CHCHD6: variants seen among roughly 807,000 people sequenced by gnomAD.
CHCHD6 encodes MICOS complex subunit MIC25.
CHCHD6 carries 28 observed loss-of-function variants against 32.3 expected under a neutral mutation model. That is an observed-to-expected ratio of 0.87 (90% confidence interval 0.64 to 1.19). The LOEUF (loss-of-function observed/expected upper bound fraction) is 1.19. CHCHD6 is among the 50% of genes most tolerant of loss of function. CHCHD6 has a pLI of 0.00. For synonymous variants in CHCHD6, 122 were observed against 117.5 expected, an observed-to-expected ratio of 1.04 and a Z score of -0.25; for missense variants, 333 against 307.0, an observed-to-expected ratio of 1.08 and a Z score of -0.63.
At chr3:126,922,718 T>C (rs2078269998) in intron 6 of CHCHD6, among the ~76,000 whole-genome samples, 1 of 149,866 alleles carries the variant, frequency 6.7e-6, no homozygotes, top group Non-Finnish European at 1.5e-5. Flanking sequence ...TGTATGTGTA[T>C]GTGTGTGTGT....
At chr3:126,735,888 C>G (rs1936020741) in intron 4 of CHCHD6, among the ~76,000 whole-genome samples, 1 of 152,160 alleles carries the variant, frequency 6.6e-6, no homozygotes, top group African/African-American at 2.4e-5. Context: ...GGAAAGGCAT[C>G]TCCTATAGGA....
chr3:126,959,999 G>A (rs976432802), intron 7 of CHCHD6, among the ~76,000 whole-genome samples, 197 bp from the exon 8 acceptor site: 5 of 152,182 alleles, frequency 3.3e-5, no homozygotes, highest in East Asian at 3.9e-4. Context: ...GTGAGGGCCC[G>A]TCCCCTGTTG....
intron 4 of CHCHD6, among the ~76,000 whole-genome samples, chr3:126,742,626 T>C (rs748594552): frequency 2.6e-5 from 4 of 152,126 alleles, no homozygotes; most frequent in Non-Finnish European, 5.9e-5. Context: ...GGAGTTACCA[T>C]GAGAGCGGGA....
intron 4 of CHCHD6, among the ~76,000 whole-genome samples, chr3:126,773,581 G>T (rs73201779): frequency 0.093 from 13,623 of 146,804 alleles, 799 homozygotes; most frequent in Middle Eastern, 0.22. Flanking sequence ...GAGAAAGTTG[G>T]TTCTGACAGT....
chr3:126,800,741 G>T (rs776323969), intron 4 of CHCHD6, among the ~76,000 whole-genome samples: 22 of 152,292 alleles, frequency 1.4e-4, no homozygotes, highest in Admixed American at 3.9e-4. Context: ...CTCAAGACAG[G>T]CTGAGACCTT....
chr3:126,803,237 G>A (rs535356750), intron 4 of CHCHD6, among the ~76,000 whole-genome samples: 2,694 of 152,018 alleles, frequency 0.018, 30 homozygotes, highest in Middle Eastern at 0.051. Context: ...ATGTAAATGG[G>A]CTAAATGTTC....
In CHCHD6 at chr3:126,912,811, TG is replaced by T. The variant is rs533044275; in HGVS notation, c.496-1865del. On this transcript the variant is annotated intron_variant, in intron 5 of 7. Coordinates refer to ENST00000290913, the MANE Select transcript of CHCHD6 (RefSeq NM_032343.3). ...GGCCACGATGCAGCAGGGGAGTCCT[TG>T]GGGTAAGACTAGAGGGGGGCCTGGT... Among the ~76,000 whole-genome samples, 194 of 152,316 alleles carry T rather than the reference TG, an allele frequency of 1.3e-3. 3 individuals carry two copies. The highest frequency in any genetic ancestry group is 2.8e-4 in the Non-Finnish European group (19 of 68,004).
intron 4 of CHCHD6, among the ~76,000 whole-genome samples, chr3:126,772,503 T>C (rs926792809): frequency 8.5e-5 from 13 of 152,224 alleles, no homozygotes; most frequent in Non-Finnish European, 1.6e-4. Flanking sequence ...ACGCCCTTTG[T>C]CTTTTTTATC....
chr3:126,754,199 A>G (rs1262517462), intron 4 of CHCHD6, among the ~76,000 whole-genome samples: 2 of 152,180 alleles, frequency 1.3e-5, no homozygotes, highest in South Asian at 2.1e-4. Context: ...TTACTGAAAC[A>G]AGTTGTGTGG....
At chr3:126,761,393 A>T (rs1401309094) in intron 4 of CHCHD6, among the ~76,000 whole-genome samples, 1 of 152,130 alleles carries the variant, frequency 6.6e-6, no homozygotes, top group East Asian at 1.9e-4. Context: ...ATTATATGAC[A>T]TTTAGGGCCC....
At chr3:126,875,852 A>C (rs2077533088) in intron 5 of CHCHD6, among the ~76,000 whole-genome samples, 1 of 152,260 alleles carries the variant, frequency 6.6e-6, no homozygotes, top group Non-Finnish European at 1.5e-5. Flanking sequence ...TCCCTTAGGA[A>C]TATTGCCATG....
intron 4 of CHCHD6, among the ~76,000 whole-genome samples, chr3:126,745,998 T>A (rs1451520046): frequency 3.9e-5 from 6 of 152,218 alleles, no homozygotes; most frequent in African/African-American, 1.4e-4. Flanking sequence ...TCCTTCCTTA[T>A]CAAATCTTGG....
In CHCHD6 at chr3:126,824,560, C is replaced by CAAAAAAAAAAAAAAAA. The variant is rs71150454; in HGVS notation, c.412-28081_412-28066dup. 1.4e-3 allele frequency among the ~76,000 whole-genome samples: 55 copies of CAAAAAAAAAAAAAAAA among 39,996 alleles called. 11 individuals are homozygous for CAAAAAAAAAAAAAAAA. The highest frequency in any genetic ancestry group is 6.9e-3 in the African/African-American group (47 of 6,804). 26.2% of individuals were successfully genotyped at this position (39,996 alleles called of 152,430 possible). Reference sequence around the variant, plus strand: ...TAGGTGATAGAGCAAGACTCTGTCTCAAAAAAAAAAAAAAAAAAAAAGTCA... The same window carrying CAAAAAAAAAAAAAAAA: ...TAGGTGATAGAGCAAGACTCTGTCTCAAAAAAAAAAAAAAAAAAAAAAAAAAAAAAAAAAAAAGTCA... On this transcript the variant is annotated intron_variant, in intron 4 of 7. Transcript: ENST00000290913.
chr3:126,926,080 G>A (rs150273108), intron 6 of CHCHD6, among the ~76,000 whole-genome samples: 154 of 152,282 alleles, frequency 1.0e-3, no homozygotes, highest in Non-Finnish European at 1.3e-3. Flanking sequence ...TAGGACTCTC[G>A]TTCCTCTAGG....
At chr3:126,766,572 C>G in intron 4 of CHCHD6, 1 of 1,168,074 alleles carries the variant, frequency 8.6e-7, no homozygotes, top group South Asian at 1.2e-5. Flanking sequence ...TCTTCACCTC[C>G]TGGGCTGCAG....
At chr3:126,920,946 T>C (rs932099552) in intron 6 of CHCHD6, among the ~76,000 whole-genome samples, 10 of 152,160 alleles carry the variant, frequency 6.6e-5, no homozygotes, top group African/African-American at 9.7e-5. Context: ...TTCCCACAGA[T>C]TTTTTTGTAT....
intron 5 of CHCHD6, among the ~76,000 whole-genome samples, chr3:126,912,549 A>C (rs944932662): frequency 1.3e-5 from 2 of 152,178 alleles, no homozygotes; most frequent in South Asian, 2.1e-4. Flanking sequence ...GTAGCTGTAG[A>C]GGGAGGCATC....
intron 4 of CHCHD6, among the ~76,000 whole-genome samples, chr3:126,793,072 A>G (rs1251030961): frequency 6.6e-6 from 1 of 152,036 alleles, no homozygotes; most frequent in Non-Finnish European, 1.5e-5. Flanking sequence ...CTTTCTTTTC[A>G]TTAGTATTCA....
intron 4 of CHCHD6, among the ~76,000 whole-genome samples, chr3:126,786,117 G>A (rs1938195880): frequency 6.6e-6 from 1 of 152,106 alleles, no homozygotes; most frequent in Non-Finnish European, 1.5e-5. Flanking sequence ...TGAGAATGAT[G>A]GTTTCCAGCT....
Sources: allele counts gnomAD v4.1 joint callset (sites outside exome capture counted in the v4.1 genomes callset), GRCh38; gene constraint gnomAD v4.1.1; transcripts MANE v1.5; gene names NCBI Gene and HGNC (gene_info 2026-07-23, HGNC 2026-07-21).